The following KCNJ12 variants were observed in gnomAD, a reference collection of about 807,000 sequenced individuals.
KCNJ12 encodes ATP-sensitive inward rectifier potassium channel 12.
A neutral mutation model predicts 22.3 loss-of-function variants in KCNJ12; 2 were observed. The observed-to-expected ratio is 0.09, with a 90% CI of 0.04 to 0.28. The LOEUF (loss-of-function observed/expected upper bound fraction) is 0.28, where lower values mean the gene tolerates loss of function less well. Ranked by LOEUF, KCNJ12 falls within the 10% of genes least tolerant of loss-of-function variation. The pLI is 1.00. For missense variants in KCNJ12, 155 were observed against 633.3 expected, an observed-to-expected ratio of 0.24 and a Z score of 8.11; for synonymous variants, 117 against 261.4, an observed-to-expected ratio of 0.45 and a Z score of 5.33.
At position 21,415,579 on chromosome 17, in the gene KCNJ12, C is replaced by T. The variant is rs1555562464; in HGVS notation, c.237C>T (p.Arg79=). 1 of 1,614,252 alleles carries T rather than the reference C, an allele frequency of 6.2e-7. No homozygotes were observed. Among genetic ancestry groups the T allele is most frequent in the South Asian group, 1.1e-5 (1 of 91,088 alleles). ...TGTTCACCACCTGTGTGGACATCCG[C>T]TGGCGGTACATGCTGCTCATCTTCT... ...ADMFTTCVDI[R]WRYMLLIFSL... is the part of the protein sequence containing the mutation. The change falls in exon 3 of 3, where the codon CGC becomes CGT. Residue 79 remains arginine, a synonymous_variant. Coordinates refer to ENST00000583088, the MANE Select transcript of KCNJ12 (RefSeq NM_021012.5).
At position 21,381,175 on chromosome 17, in the gene KCNJ12, C is replaced by T. The variant is rs1373910071; in HGVS notation, c.-179+4262C>T. Among the ~76,000 whole-genome samples, 5 of 152,190 alleles carry T rather than the reference C, an allele frequency of 3.3e-5. No homozygotes were observed. In the South Asian group the frequency reaches 8.3e-4, roughly 25 times the overall value. On this transcript the variant is annotated intron_variant, in intron 1 of 2. Transcript: ENST00000583088. ...GCCTCCTGGATCCTGCCTGACTCCC[C>T]CTGCCCACCTGGACTGAGCCCTCCC... is the stretch of plus-strand genomic sequence containing the variant.
intron 1 of KCNJ12, among the ~76,000 whole-genome samples, chr17:21,400,523 C>T (rs1905544433): frequency 6.6e-6 from 1 of 152,310 alleles, no homozygotes; most frequent in Non-Finnish European, 1.5e-5. Context: ...ACACCCCGCA[C>T]AGAGCCTCAA....
At position 21,418,042 on chromosome 17, in the gene KCNJ12, C is replaced by T. The variant is rs1337535880; in HGVS notation, c.*1398C>T. 3 of 167,166 alleles carry T rather than the reference C, an allele frequency of 1.8e-5. No individual in the cohort carries two copies. The highest frequency in any genetic ancestry group is 4.4e-5 in the Non-Finnish European group (3 of 68,282). The allele number at this position is 167,166 out of a possible 1,614,324, so 10.4% of individuals were successfully genotyped here. On this transcript the variant is annotated 3_prime_UTR_variant, in exon 3 of 3. Coordinates refer to ENST00000583088, the MANE Select transcript of KCNJ12 (RefSeq NM_021012.5). The stretch of plus-strand genomic sequence containing the variant: ...GAATTCCTGCCGAGTCTTCCAGGGC[C>T]GCTCCTCCACCACCCTCCCCCAGGT...
intron 1 of KCNJ12, among the ~76,000 whole-genome samples, chr17:21,400,467 C>T (rs1371840899): frequency 4.1e-4 from 63 of 152,424 alleles, no homozygotes; most frequent in African/African-American, 1.3e-3. Flanking sequence ...CTGTCTCCCC[C>T]GATCTGTGAG....
intron 1 of KCNJ12, among the ~76,000 whole-genome samples, chr17:21,407,781 ATCC>A (rs1159839375): frequency 6.6e-6 from 1 of 152,108 alleles, no homozygotes; most frequent in Non-Finnish European, 1.5e-5. Context: ...CCATCCATCC[ATCC>A]TATTATCCAT....
At chr17:21,402,682 A>C (rs1427167887) in intron 1 of KCNJ12, among the ~76,000 whole-genome samples, 1 of 152,310 alleles carries the variant, frequency 6.6e-6, no homozygotes, top group Non-Finnish European at 1.5e-5. Context: ...CAGATTTACA[A>C]AATAAAAGAA....
rs1205538320 is a variant in KCNJ12, at chr17:21,411,806, C to T, written c.-57+3166C>T. On this transcript the variant is annotated intron_variant, in intron 2 of 2. Coordinates refer to ENST00000583088, the MANE Select transcript of KCNJ12 (RefSeq NM_021012.5). ...GTGTGTCCCTGGTGGAGGATATTGT[C>T]CTATATTTCTTATATTGCGACCTTG... Among the ~76,000 whole-genome samples, 19 of 152,416 alleles carry T rather than the reference C, an allele frequency of 1.2e-4. No homozygotes were observed. The South Asian group carries it at 3.5e-3, about 28-fold the overall frequency.
chr17:21,398,819 G>A (rs536822497), intron 1 of KCNJ12, among the ~76,000 whole-genome samples: 2 of 152,382 alleles, frequency 1.3e-5, no homozygotes, highest in South Asian at 4.1e-4. Context: ...TGTGAGAGCA[G>A]GCATGTGCTA....
intron 1 of KCNJ12, among the ~76,000 whole-genome samples, chr17:21,378,375 A>G (rs1555557527): frequency 1.3e-5 from 2 of 151,730 alleles, no homozygotes; most frequent in Admixed American, 6.6e-5. Context: ...GTCTGCTGGG[A>G]CCGCCCCCCC....
In KCNJ12 at chr17:21,411,650, T is replaced by G. The variant is rs1361233925; in HGVS notation, c.-57+3010T>G. Among the ~76,000 whole-genome samples, 49 of 152,424 alleles carry G rather than the reference T, an allele frequency of 3.2e-4. No homozygotes were observed. In the East Asian group the frequency reaches 9.1e-3, roughly 28 times the overall value. Reference sequence around the variant, plus strand: ...GTCTCTTTTTCTTTTTGGACTTGGTTCTCCCATCTGTGAAATGGGGAGCCA... The same window carrying G: ...GTCTCTTTTTCTTTTTGGACTTGGTGCTCCCATCTGTGAAATGGGGAGCCA... On this transcript the variant is annotated intron_variant, in intron 2 of 2. Transcript: ENST00000583088.
In KCNJ12 at chr17:21,416,455, C is replaced by T. The variant is rs1612176; in HGVS notation, c.1113C>T (p.Ser371=). The change falls in exon 3 of 3, where the codon AGC becomes AGT. Residue 371 remains serine, a synonymous_variant. Transcript: ENST00000583088. ...TAGAGAACAAGTTCCTGCTGCCCAG[C>T]GCCAACTCCTTCTGCTACGAGAACG... ...DLVENKFLLP[S]ANSFCYENEL... 2.5e-6 allele frequency: 4 copies of T among 1,587,302 alleles called. No homozygotes were observed. The South Asian group carries it at 3.4e-5, about 14-fold the overall frequency.
intron 1 of KCNJ12, among the ~76,000 whole-genome samples, chr17:21,390,233 A>G (rs1247360533): frequency 2.0e-5 from 3 of 152,056 alleles, no homozygotes; most frequent in Non-Finnish European, 2.9e-5. Flanking sequence ...ACCCAAGGCT[A>G]TCGCTGTCTC....
intron 1 of KCNJ12, among the ~76,000 whole-genome samples, chr17:21,399,248 A>C (rs1905492755): frequency 4.6e-5 from 7 of 152,148 alleles, no homozygotes; most frequent in Non-Finnish European, 1.5e-5. Flanking sequence ...CTGGCCGATC[A>C]TGTGGCCTTT....
At chr17:21,386,665 G>T (rs782003734) in intron 1 of KCNJ12, among the ~76,000 whole-genome samples, 4 of 151,934 alleles carry the variant, frequency 2.6e-5, no homozygotes, top group Admixed American at 6.6e-5. Context: ...GCGCCACCAC[G>T]CCCAGCTAAT....
intron 1 of KCNJ12, among the ~76,000 whole-genome samples, chr17:21,383,910 A>T (rs79696023): frequency 0.013 from 2,012 of 152,284 alleles, 55 homozygotes; most frequent in African/African-American, 0.046. Context: ...ATTTTGTTGA[A>T]TATAACAGTT....
intron 1 of KCNJ12, among the ~76,000 whole-genome samples, chr17:21,383,632 C>G (rs1292645464): frequency 6.6e-6 from 1 of 152,212 alleles, no homozygotes; most frequent in African/African-American, 2.4e-5. Context: ...CTGGGGATCC[C>G]CAATCACAAG....
chr17:21,403,194 T>C (rs4985787), intron 1 of KCNJ12, among the ~76,000 whole-genome samples: 1 of 152,310 alleles, frequency 6.6e-6, no homozygotes, highest in Non-Finnish European at 1.5e-5. Flanking sequence ...GGGCGAGCTC[T>C]GGCTGAGGCT....
intron 1 of KCNJ12, among the ~76,000 whole-genome samples, chr17:21,383,519 G>A (rs1399914058): frequency 6.6e-6 from 1 of 152,226 alleles, no homozygotes; most frequent in African/African-American, 2.4e-5. Context: ...GGGATCTGGG[G>A]CAGGTTGGGG....
chr17:21,404,067 GTGGC>G (rs1905789874), intron 1 of KCNJ12, among the ~76,000 whole-genome samples: 1 of 152,190 alleles, frequency 6.6e-6, no homozygotes, highest in Non-Finnish European at 1.5e-5. Flanking sequence ...TGATATGATG[GTGGC>G]AAGGCTGTGC....
Sources: allele counts gnomAD v4.1 joint callset (sites outside exome capture counted in the v4.1 genomes callset), GRCh38; gene constraint gnomAD v4.1.1; transcripts MANE v1.5; gene names NCBI Gene and HGNC (gene_info 2026-07-23, HGNC 2026-07-21).